Variants in FBXW7 observed in about 807,000 individuals in gnomAD.
FBXW7 encodes F-box and WD repeat domain containing 7, also known as F-box/WD repeat-containing protein 7.
A neutral mutation model predicts 86.3 loss-of-function variants in FBXW7; 11 were observed. The ratio of observed to expected loss-of-function variants is 0.13; its 90% CI spans 0.08 to 0.21. The LOEUF is 0.21. Among genes scored for constraint, FBXW7 ranks in the 10% least tolerant of loss-of-function variants. The pLI is 1.00. For missense variants in FBXW7, 488 were observed against 847.4 expected, an observed-to-expected ratio of 0.58 and a Z score of 5.27; for synonymous variants, 313 against 297.9, an observed-to-expected ratio of 1.05 and a Z score of -0.52.
At chr4:152,532,700 T>C (rs540562795) in intron 2 of FBXW7, among the ~76,000 whole-genome samples, 2 of 152,278 alleles carry the variant, frequency 1.3e-5, no homozygotes, top group South Asian at 4.1e-4. Context: ...AATGTAAAAA[T>C]ATATTCACAT....
At chr4:152,395,000 T>G (rs1004940472) in intron 4 of FBXW7, among the ~76,000 whole-genome samples, 3 of 152,028 alleles carry the variant, frequency 2.0e-5, no homozygotes, top group Non-Finnish European at 4.4e-5. Context: ...GGAAGTCCTA[T>G]GTGGGAAATT....
chr4:152,452,051 T>C (rs1442630336), intron 2 of FBXW7, among the ~76,000 whole-genome samples: 1 of 152,164 alleles, frequency 6.6e-6, no homozygotes, highest in Admixed American at 6.5e-5. Flanking sequence ...TTTGTCAGAG[T>C]ATAGAGCATG....
intron 2 of FBXW7, among the ~76,000 whole-genome samples, chr4:152,427,722 T>C (rs1306058536): frequency 1.3e-5 from 2 of 152,244 alleles, no homozygotes; most frequent in Non-Finnish European, 2.9e-5. Flanking sequence ...CAAAAGTGTT[T>C]TGTTATGTGA....
chr4:152,476,930 A>G (rs934934516), intron 2 of FBXW7, among the ~76,000 whole-genome samples: 4 of 152,118 alleles, frequency 2.6e-5, no homozygotes, highest in Non-Finnish European at 4.4e-5. Flanking sequence ...CCTATTATAC[A>G]CTACTATTCA....
chr4:152,426,435 C>T (rs921976686), intron 2 of FBXW7, among the ~76,000 whole-genome samples: 8 of 151,666 alleles, frequency 5.3e-5, no homozygotes, highest in African/African-American at 9.7e-5. Flanking sequence ...CTGTAGCCTC[C>T]GCCTCCCGGG....
chr4:152,408,328 T>TC (rs1226634221), intron 4 of FBXW7, among the ~76,000 whole-genome samples: 1 of 152,208 alleles, frequency 6.6e-6, no homozygotes, highest in African/African-American at 2.4e-5. Context: ...GCTGGGCATA[T>TC]CTTCAGAAAA....
At chr4:152,401,134 T>C (rs375891930) in intron 4 of FBXW7, among the ~76,000 whole-genome samples, 1 of 152,216 alleles carries the variant, frequency 6.6e-6, no homozygotes, top group Non-Finnish European at 1.5e-5. Context: ...CATTTGGCAG[T>C]TTCTTACAAA....
At chr4:152,517,362 TATAA>T (rs1748593041) in intron 2 of FBXW7, among the ~76,000 whole-genome samples, 2 of 152,206 alleles carry the variant, frequency 1.3e-5, no homozygotes, top group Admixed American at 6.5e-5. Flanking sequence ...TAATTAATAG[TATAA>T]ATAAACAAAT....
intron 4 of FBXW7, among the ~76,000 whole-genome samples, chr4:152,402,298 A>G (rs943599727): frequency 4.6e-5 from 7 of 152,204 alleles, no homozygotes; most frequent in Non-Finnish European, 1.0e-4. Context: ...TTAGGTTATC[A>G]GGGTACCTGA....
intron 4 of FBXW7, among the ~76,000 whole-genome samples, chr4:152,388,855 C>G (rs1735764224): frequency 6.6e-6 from 1 of 152,024 alleles, no homozygotes; most frequent in Non-Finnish European, 1.5e-5. Flanking sequence ...GAAAAGACAA[C>G]CTACAGAATG....
chr4:152,506,019 T>TA (rs1362681401), intron 2 of FBXW7, among the ~76,000 whole-genome samples: 2 of 152,050 alleles, frequency 1.3e-5, no homozygotes, highest in East Asian at 3.9e-4. Flanking sequence ...TTTATTTTTT[T>TA]AAAGTTCAAA....
chr4:152,345,336 G>GT (rs1731159617), intron 6 of FBXW7, among the ~76,000 whole-genome samples: 1 of 152,034 alleles, frequency 6.6e-6, no homozygotes, highest in Non-Finnish European at 1.5e-5. Flanking sequence ...TGGGGAAAAG[G>GT]TAAGTTTAAT....
At chr4:152,346,606 C>T (rs867848738) in intron 6 of FBXW7, among the ~76,000 whole-genome samples, 9 of 152,158 alleles carry the variant, frequency 5.9e-5, no homozygotes, top group South Asian at 2.1e-4. Context: ...GTGCAACCAT[C>T]GCTACTATCC....
chr4:152,534,329 T>TC (rs775526182), intron 2 of FBXW7, among the ~76,000 whole-genome samples: 15 of 152,040 alleles, frequency 9.9e-5, no homozygotes, highest in Non-Finnish European at 2.2e-4. Context: ...TAAATGCTCT[T>TC]CCCCAAGTAA....
chr4:152,328,642 T>C (rs967369669), intron 10 of FBXW7: 4 of 279,694 alleles, frequency 1.4e-5, no homozygotes, highest in Non-Finnish European at 2.6e-5. Context: ...TAAAACATGA[T>C]ATAATAAAAA....
intron 11 of FBXW7, 54 bp from the exon 12 acceptor site, chr4:152,326,285 AT>A: frequency 7.1e-7 from 1 of 1,413,146 alleles, no homozygotes; most frequent in Non-Finnish European, 9.8e-7. Flanking sequence ...CACGTTTAGA[AT>A]TTTTAATAAT....
intron 2 of FBXW7, among the ~76,000 whole-genome samples, chr4:152,493,287 C>A (rs1172602007): frequency 6.6e-6 from 1 of 151,962 alleles, no homozygotes; most frequent in Non-Finnish European, 1.5e-5. Context: ...GCCTCAGCCT[C>A]CCGAGTAGCT....
In FBXW7 at chr4:152,324,338, A is replaced by T. The variant is rs1383486104; in HGVS notation, c.1701T>A (p.Asp567Glu). ...TGTGAATGCAATTCCCTGTCTCCACATCCCAAACACGGATTGATGTATCAA... is the reference window on the plus strand; with the variant it reads ...TGTGAATGCAATTCCCTGTCTCCACTTCCCAAACACGGATTGATGTATCAA... ...GSLDTSIRVW[D>E]VETGNCIHTL... Residue 567 changes from aspartate to glutamate, a missense_variant, in exon 13 of 14, where the codon GAT becomes GAA. Physicochemically the swap from Asp to Glu is conservative, Grantham distance 45. Coordinates refer to ENST00000281708, the MANE Select transcript of FBXW7 (RefSeq NM_001349798.2). The T allele has an allele frequency of 6.2e-7, 1 of 1,612,038 alleles. No homozygotes were observed. Among genetic ancestry groups the T allele is most frequent in the South Asian group, 1.1e-5 (1 of 90,908 alleles).
intron 2 of FBXW7, among the ~76,000 whole-genome samples, chr4:152,435,308 A>AC (rs1251571815): frequency 6.6e-6 from 1 of 152,210 alleles, no homozygotes; most frequent in African/African-American, 2.4e-5. Context: ...TCCTTTAACA[A>AC]CTTTGAAAGA....
Sources: gnomAD v4.1 joint callset for allele counts (sites outside exome capture counted in the v4.1 genomes callset) on GRCh38, gnomAD v4.1.1 for gene constraint, MANE v1.5 for transcripts, NCBI Gene and HGNC (gene_info 2026-07-23, HGNC 2026-07-21) for gene names.